Variants in NRXN3 observed in about 807,000 individuals in gnomAD.
NRXN3 encodes neurexin 3.
A neutral mutation model predicts 137.6 loss-of-function variants in NRXN3; 32 were observed. The ratio of observed to expected loss-of-function variants is 0.23; its 90% CI spans 0.18 to 0.31. The LOEUF is 0.31. Ranked by LOEUF, NRXN3 falls within the 10% of genes least tolerant of loss-of-function variation. The pLI is 1.00. For missense variants in NRXN3, 1,574 were observed against 2,062.5 expected (o/e 0.76, Z 4.59); for synonymous variants, 798 against 784.5 (o/e 1.02, Z -0.29).
intron 15 of NRXN3, among the ~76,000 whole-genome samples, chr14:79,162,721 A>G (rs2060909836): frequency 6.6e-6 from 1 of 151,964 alleles, no homozygotes; most frequent in South Asian, 2.1e-4. Context: ...GAAGATGTGG[A>G]GAAATAGTTT....
intron 15 of NRXN3, among the ~76,000 whole-genome samples, chr14:79,059,468 A>G (rs1032120497): frequency 2.6e-5 from 4 of 151,986 alleles, no homozygotes; most frequent in Admixed American, 6.6e-5. Flanking sequence ...CGTGTTAGCC[A>G]GGATGGTCTC....
intron 4 of NRXN3, among the ~76,000 whole-genome samples, chr14:78,481,753 A>T (rs1198467802): frequency 6.6e-6 from 1 of 152,176 alleles, no homozygotes; most frequent in Non-Finnish European, 1.5e-5. Context: ...TGTGGCAGCA[A>T]CCTGAGCTGA....
intron 2 of NRXN3, among the ~76,000 whole-genome samples, chr14:78,245,139 G>A (rs977422980): frequency 1.3e-5 from 2 of 152,108 alleles, no homozygotes; most frequent in Non-Finnish European, 2.9e-5. Context: ...ATCCTTTTAG[G>A]ATTAAGCCCT....
chr14:78,317,988 A>T (rs2078909920), intron 4 of NRXN3, among the ~76,000 whole-genome samples: 1 of 152,306 alleles, frequency 6.6e-6, no homozygotes, highest in African/African-American at 2.4e-5. Context: ...AGGGAAATGG[A>T]TATTGAGTTG....
intron 10 of NRXN3, among the ~76,000 whole-genome samples, chr14:78,880,021 C>T (rs1288603580): frequency 7.1e-6 from 1 of 141,348 alleles, no homozygotes; most frequent in Non-Finnish European, 1.5e-5. Flanking sequence ...GGGCGGATCA[C>T]GAGGTCAGGA....
chr14:79,554,155 C>T (rs2097404032), intron 16 of NRXN3, among the ~76,000 whole-genome samples: 1 of 152,094 alleles, frequency 6.6e-6, no homozygotes, highest in African/African-American at 2.4e-5. Context: ...AAAGAAAACT[C>T]CAAATAAACA....
intron 6 of NRXN3, among the ~76,000 whole-genome samples, chr14:78,661,312 A>G (rs1322519410): frequency 6.6e-6 from 1 of 152,228 alleles, no homozygotes; most frequent in Admixed American, 6.5e-5. Flanking sequence ...TCAGAAAAGT[A>G]CTATGGACCT....
chr14:78,784,468 C>T (rs887594665), intron 8 of NRXN3, among the ~76,000 whole-genome samples: 2 of 152,160 alleles, frequency 1.3e-5, no homozygotes, highest in African/African-American at 4.8e-5. Context: ...AAAGGTGGTG[C>T]TATTAATAAT....
At chr14:78,200,452 G>C (rs905893016) in intron 1 of NRXN3, among the ~76,000 whole-genome samples, 1 of 152,168 alleles carries the variant, frequency 6.6e-6, no homozygotes, top group East Asian at 1.9e-4. Context: ...CTGGGAACTT[G>C]TGTGAAATGC....
chr14:78,541,105 T>G (rs1447342807), intron 4 of NRXN3, among the ~76,000 whole-genome samples: 1 of 152,160 alleles, frequency 6.6e-6, no homozygotes, highest in Non-Finnish European at 1.5e-5. Flanking sequence ...CTGGGGTTGC[T>G]CTTCTTGAGG....
At position 79,792,131 on chromosome 14, in the gene NRXN3, G is replaced by A. The variant is rs2099147215; in HGVS notation, c.4015-12981G>A. Among the ~76,000 whole-genome samples the A allele has an allele frequency of 3.3e-5, 5 of 152,230 alleles. 1 individual carries two copies. The South Asian group carries it at 8.3e-4, about 25-fold the overall frequency. ...TGTCTTTTGGGTTCTCTGAGCAGCT[G>A]TAGGAGTATAGAAGCCTCCAGATAT... On this transcript the variant is annotated intron_variant, in intron 19 of 20. Coordinates refer to ENST00000335750, the MANE Select transcript of NRXN3 (RefSeq NM_001330195.2).
chr14:79,761,615 C>T (rs2099038796), intron 19 of NRXN3, among the ~76,000 whole-genome samples: 1 of 147,414 alleles, frequency 6.8e-6, no homozygotes, highest in South Asian at 2.1e-4. Context: ...ATGGCGTGAA[C>T]CCGGGAGGCG....
At chr14:79,580,985 C>T (rs1354081774) in intron 16 of NRXN3, among the ~76,000 whole-genome samples, 2 of 151,968 alleles carry the variant, frequency 1.3e-5, no homozygotes, top group African/African-American at 4.8e-5. Context: ...TCTCTTCATC[C>T]AACTGTAATG....
chr14:79,345,746 G>C (rs1444955157), intron 15 of NRXN3, among the ~76,000 whole-genome samples: 1 of 152,082 alleles, frequency 6.6e-6, no homozygotes, highest in African/African-American at 2.4e-5. Flanking sequence ...TGTTCCTGCT[G>C]TCACCTTATG....
rs369678049 is a variant in NRXN3 at position 78,966,425 on chromosome 14, G to A, written c.2777+19G>A. ...TCAAGGGGTAAGTAGAAGGGATCACGACTTATGTTGGACACCTTTAATCTA... is the reference window on the plus strand; with the variant it reads ...TCAAGGGGTAAGTAGAAGGGATCACAACTTATGTTGGACACCTTTAATCTA... On this transcript the variant is annotated intron_variant, in intron 12 of 20. Coordinates refer to ENST00000335750, the MANE Select transcript of NRXN3 (RefSeq NM_001330195.2). 3.8e-5 allele frequency: 60 copies of A among 1,598,734 alleles called. No individual in the cohort carries two copies. The highest frequency in any genetic ancestry group is 2.9e-4 in the East Asian group (13 of 44,644).
At chr14:78,912,085 A>G (rs1465309151) in intron 10 of NRXN3, among the ~76,000 whole-genome samples, 3 of 150,480 alleles carry the variant, frequency 2.0e-5, no homozygotes, top group African/African-American at 7.3e-5. Flanking sequence ...CCCATCCCAC[A>G]ACAGTCCCCG....
intron 16 of NRXN3, among the ~76,000 whole-genome samples, chr14:79,625,333 T>C (rs1469555659): frequency 6.6e-6 from 1 of 152,056 alleles, no homozygotes; most frequent in South Asian, 2.1e-4. Flanking sequence ...TTAAAAAAAA[T>C]AGGAAAATAA....
chr14:79,465,452 C>A (rs1285247705), intron 15 of NRXN3, among the ~76,000 whole-genome samples: 1 of 152,086 alleles, frequency 6.6e-6, no homozygotes, highest in Admixed American at 6.5e-5. Flanking sequence ...ACAAATTGAG[C>A]AAATTGGAGC....
intron 4 of NRXN3, among the ~76,000 whole-genome samples, chr14:78,619,046 C>T (rs564832096): frequency 2.6e-5 from 4 of 152,230 alleles, no homozygotes; most frequent in East Asian, 3.9e-4. Flanking sequence ...CTGTTGCATC[C>T]GAGACTATCC....
Sources: gnomAD v4.1 joint callset for allele counts (sites outside exome capture counted in the v4.1 genomes callset) on GRCh38, gnomAD v4.1.1 for gene constraint, MANE v1.5 for transcripts, NCBI Gene and HGNC (gene_info 2026-07-23, HGNC 2026-07-21) for gene names.